The following NHSL1 variants were observed in gnomAD, a reference collection of about 807,000 sequenced individuals.
NHSL1 encodes NHS like 1.
A neutral mutation model predicts 95.0 loss-of-function variants in NHSL1; 48 were observed. The ratio of observed to expected loss-of-function variants is 0.51; its 90% CI spans 0.40 to 0.64. The LOEUF (loss-of-function observed/expected upper bound fraction) is 0.64. Ranked by LOEUF, NHSL1 falls within the 30% of genes least tolerant of loss-of-function variation. The probability of loss-of-function intolerance (pLI) is 0.00; values close to 1 mark genes in which losing one functional copy is unlikely to be tolerated. For missense variants in NHSL1, 1,971 were observed against 2,077.7 expected (o/e 0.95, Z 1.00); for synonymous variants, 783 against 833.9 (o/e 0.94, Z 1.05).
chr6:138,526,093 CAAAAA>C, intron 1 of NHSL1, among the ~76,000 whole-genome samples: 1 of 109,886 alleles, frequency 9.1e-6, no homozygotes, highest in Non-Finnish European at 2.0e-5. Flanking sequence ...ACTCTGTCTC[CAAAAA>C]AAAAAAAAAA....
chr6:138,570,922 A>G (rs141839156), intron 1 of NHSL1, among the ~76,000 whole-genome samples: 1 of 152,364 alleles, frequency 6.6e-6, no homozygotes, highest in Non-Finnish European at 1.5e-5. Flanking sequence ...ACCATTTTAG[A>G]GCTTAACAAT....
intron 1 of NHSL1, among the ~76,000 whole-genome samples, chr6:138,598,414 C>T (rs751907238): frequency 4.6e-5 from 7 of 151,230 alleles, no homozygotes; most frequent in East Asian, 1.9e-4. Context: ...GTCAAGATTG[C>T]GCCACTGCAC....
At chr6:138,505,352 G>C (rs1780903296) in intron 1 of NHSL1, among the ~76,000 whole-genome samples, 1 of 152,078 alleles carries the variant, frequency 6.6e-6, no homozygotes. Flanking sequence ...TTGAATCTTT[G>C]AGCAATTGAA....
At chr6:138,470,563 T>C (rs2128244923) in intron 3 of NHSL1, 1 of 152,378 alleles carries the variant, frequency 6.6e-6, no homozygotes, top group Middle Eastern at 3.4e-3. Flanking sequence ...AGTGCTGGGA[T>C]TACAGGTGTG....
rs1255088466 is a variant in NHSL1 at position 138,432,241 on chromosome 6, C to A, written c.2104G>T (p.Ala702Ser). 2 of 1,548,630 alleles carry A rather than the reference C, an allele frequency of 1.3e-6. No homozygotes were observed. The highest frequency in any genetic ancestry group is 8.7e-7 in the Non-Finnish European group (1 of 1,145,448). Residue 702 changes from alanine (A) to serine (S), a missense_variant, in exon 6 of 8, where the codon GCC becomes TCC. By Grantham distance (99) the Ala-to-Ser change is moderately conservative. Around this residue, in one of 3 missense-constraint regions of NHSL1, gnomAD observed 1,602 missense variants for 1,654.5 expected, o/e 0.97. Coordinates refer to ENST00000343505, the MANE Select transcript of NHSL1 (RefSeq NM_001144060.2). This position sits in a 1 kb window ranked among gnomAD's most constrained non-coding sequence, Gnocchi z 4.4. ...NGQVLNESLIATLQHSLQLSL... is the reference protein window; with the variant it reads ...NGQVLNESLISTLQHSLQLSL... The stretch of plus-strand genomic sequence containing the variant: ...AGCTGCAGCGAGTGCTGGAGTGTGG[C>A]GATCAGGCTCTCGTTGAGCACCTGC...
upstream of NHSL1, among the ~76,000 whole-genome samples, chr6:138,573,578 A>G (rs1287853368): frequency 6.6e-6 from 1 of 152,240 alleles, no homozygotes; most frequent in African/African-American, 2.4e-5. Context: ...TGTAGAAGAT[A>G]GTCAGAAGTT....
chr6:138,602,880 G>A (rs1223929046), intron 1 of NHSL1, among the ~76,000 whole-genome samples: 2 of 152,170 alleles, frequency 1.3e-5, no homozygotes, highest in Admixed American at 6.5e-5. Flanking sequence ...ATGCCTTCAA[G>A]GGACTGTGGT....
At chr6:138,511,137 T>A (rs1277838198) in intron 1 of NHSL1, among the ~76,000 whole-genome samples, 1 of 152,188 alleles carries the variant, frequency 6.6e-6, no homozygotes, top group Non-Finnish European at 1.5e-5. Context: ...CTCTTCTTCA[T>A]CAGCATCATG....
Position 138,453,653 on chromosome 6 carries a change from C to T in NHSL1, c.340-6460G>A, listed in dbSNP as rs1460189758. On this transcript the variant is annotated intron_variant, in intron 3 of 7. Transcript: ENST00000343505. ...ACTCAAACTCCTGGGTTCAAGCGATCCTCCCACCTCAGCCTCCCGAGTAAC... is the reference window on the plus strand; with the variant it reads ...ACTCAAACTCCTGGGTTCAAGCGATTCTCCCACCTCAGCCTCCCGAGTAAC... 2.0e-5 allele frequency among the ~76,000 whole-genome samples: 3 copies of T among 151,980 alleles called. No homozygotes were observed. In the East Asian group the frequency reaches 5.8e-4, roughly 29 times the overall value.
intron 1 of NHSL1, among the ~76,000 whole-genome samples, chr6:138,598,732 G>A (rs183028153): frequency 6.6e-6 from 1 of 151,324 alleles, no homozygotes; most frequent in Admixed American, 6.6e-5. Context: ...ATTTGGATTT[G>A]CTGACCAGAC....
At chr6:138,683,769 G>C (rs1460030091) in intron 1 of NHSL1, among the ~76,000 whole-genome samples, 6 of 152,170 alleles carry the variant, frequency 3.9e-5, no homozygotes, top group Non-Finnish European at 7.3e-5. Flanking sequence ...CTGTGAATGT[G>C]GGCAAACAAG....
chr6:138,650,854 G>A (rs1785083304), intron 1 of NHSL1: 7 of 541,514 alleles, frequency 1.3e-5, no homozygotes, highest in Admixed American at 3.9e-5. Context: ...CAGTGAAGAG[G>A]GCGTTGGACA....
chr6:138,435,481 T>G (rs1203400454), intron 5 of NHSL1, among the ~76,000 whole-genome samples: 1 of 152,158 alleles, frequency 6.6e-6, no homozygotes, highest in African/African-American at 2.4e-5. Context: ...CCTCTAGAGC[T>G]AAGTATAACT....
chr6:138,489,871 AGGGAGAG>A (rs1779950774), intron 2 of NHSL1, among the ~76,000 whole-genome samples: 1 of 66,918 alleles, frequency 1.5e-5, no homozygotes, highest in Non-Finnish European at 2.9e-5. Context: ...AGAGAGAGAG[AGGGAGAG>A]AGGGAGAGAG....
intron 1 of NHSL1, among the ~76,000 whole-genome samples, chr6:138,509,596 G>T (rs558251040): frequency 6.6e-6 from 1 of 152,260 alleles, no homozygotes; most frequent in African/African-American, 2.4e-5. Flanking sequence ...GACACTCAAC[G>T]ACACACTGGT....
At chr6:138,588,334 G>A (rs570225428) in intron 1 of NHSL1, among the ~76,000 whole-genome samples, 1 of 152,180 alleles carries the variant, frequency 6.6e-6, no homozygotes, top group Non-Finnish European at 1.5e-5. Flanking sequence ...GTGGTGGTGT[G>A]TGCCTGTAAT....
rs571010620 is a variant in NHSL1 at position 138,476,550 on chromosome 6, G to A, written c.212-3117C>T. ...GTTAAAAATTACCTACTGGGGGCCC[G>A]CGCCAGTAGCTCACGCCTGTAATCC... is the stretch of plus-strand genomic sequence containing the variant. On this transcript the variant is annotated intron_variant, in intron 2 of 7. Coordinates refer to ENST00000343505, the MANE Select transcript of NHSL1 (RefSeq NM_001144060.2). 1.6e-4 allele frequency among the ~76,000 whole-genome samples: 25 copies of A among 152,210 alleles called. 1 individual carries two copies. The East Asian group carries it at 4.1e-3, about 25-fold the overall frequency.
intron 5 of NHSL1, among the ~76,000 whole-genome samples, chr6:138,438,195 C>T (rs915669460): frequency 2.0e-5 from 3 of 152,188 alleles, no homozygotes; most frequent in Non-Finnish European, 2.9e-5. Context: ...TTTTAGGAAA[C>T]TGCCACAGTC....
chr6:138,592,595 G>C (rs1784245749), intron 1 of NHSL1, among the ~76,000 whole-genome samples: 1 of 147,998 alleles, frequency 6.8e-6, no homozygotes, highest in Non-Finnish European at 1.5e-5. Flanking sequence ...GAGCGAGACT[G>C]TCGCACAAAA....
Sources: gnomAD v4.1 joint callset for allele counts (sites outside exome capture counted in the v4.1 genomes callset) on GRCh38, gnomAD v4.1.1 for gene constraint, gnomAD v4.1.1 regional missense constraint, Gnocchi (gnomAD v3.1) non-coding constraint, MANE v1.5 for transcripts, NCBI Gene and HGNC (gene_info 2026-07-23, HGNC 2026-07-21) for gene names.